Variants in SLC24A1 observed in about 807,000 individuals in gnomAD.
The protein encoded by SLC24A1 is sodium/potassium/calcium exchanger 1.
A neutral mutation model predicts 88.1 loss-of-function variants in SLC24A1; 52 were observed. That is an observed-to-expected ratio of 0.59 (90% CI 0.47 to 0.74). The LOEUF (loss-of-function observed/expected upper bound fraction) is 0.74. Ranked by LOEUF, SLC24A1 falls within the 30% of genes least tolerant of loss-of-function variation. The pLI, the probability that SLC24A1 is intolerant of heterozygous loss-of-function variation, is 0.00. For missense variants in SLC24A1, 1,173 were observed against 1,363.3 expected (o/e 0.86, Z 2.20); for synonymous variants, 455 against 498.0 (o/e 0.91, Z 1.15).
intron 4 of SLC24A1, chr15:65,644,009 C>T (rs2075221408): frequency 5.2e-6 from 1 of 191,120 alleles, no homozygotes; most frequent in Admixed American, 5.4e-5. Context: ...ATGTCTATCA[C>T]AGACATTACC....
chr15:65,650,876 C>T lies in SLC24A1; in HGVS notation c.2727C>T (p.Ala909=). Residue 909 remains alanine, a synonymous_variant, in exon 7 of 10, where the codon GCC becomes GCT. Transcript: ENST00000261892. This position sits in a 1 kb window ranked among gnomAD's most constrained non-coding sequence, Gnocchi z 4.1. ...GGCCTGAAACCAGGCAGAAGCAGGC[C>T]ATTTACCTCTTCCTTCTGCCCATCG... ...LDWPETRQKQ[A]IYLFLLPIVF... 6.2e-7 allele frequency: 1 copy of T among 1,613,938 alleles called. No homozygotes were observed. The highest frequency in any genetic ancestry group is 8.5e-7 in the Non-Finnish European group (1 of 1,179,892).
downstream of SLC24A1, chr15:65,658,990 A>G (rs1464444526): frequency 6.6e-6 from 1 of 152,218 alleles, no homozygotes; most frequent in Non-Finnish European, 1.5e-5. Flanking sequence ...GGAAAAGAAG[A>G]CAAAAATCAG....
At chr15:65,648,845 C>T (rs879377807) in intron 6 of SLC24A1, among the ~76,000 whole-genome samples, 1 of 151,782 alleles carries the variant, frequency 6.6e-6, no homozygotes, top group Non-Finnish European at 1.5e-5. Flanking sequence ...ACTATATTGC[C>T]CAGGCTGGCC....
Position 65,649,567 on chromosome 15 carries a change from C to T in SLC24A1, c.2233-815C>T, listed in dbSNP as rs995186335. Among the ~76,000 whole-genome samples, 4 of 152,160 alleles carry T rather than the reference C, an allele frequency of 2.6e-5. 1 individual carries two copies. Among genetic ancestry groups the T allele is most frequent in the South Asian group, 2.1e-4 (1 of 4,826 alleles). On this transcript the variant is annotated intron_variant, in intron 6 of 9. Transcript: ENST00000261892. ...AACCACGTGGACCATGGGCAAGTTA[C>T]TTAGTTCCTTTTACTCTAGTTTCTC...
chr15:65,624,227 A>C lies in SLC24A1; in HGVS notation c.147A>C (p.Ser49=), dbSNP rs1001800140. Residue 49 remains serine (S), a synonymous_variant, in exon 2 of 10, where the codon TCA becomes TCC. Transcript: ENST00000261892. ...QHLRRPRGLS[S]LWAAVSSHQP... Reference sequence around the variant, plus strand: ...TTAGGAGACCCCGGGGCCTTTCCTCATTGTGGGCAGCAGTCTCTTCTCATC... The same window carrying C: ...TTAGGAGACCCCGGGGCCTTTCCTCCTTGTGGGCAGCAGTCTCTTCTCATC... The C allele has an allele frequency of 1.2e-6, 2 of 1,613,704 alleles. No homozygotes were observed. The highest frequency in any genetic ancestry group is 2.7e-5 in the African/African-American group (2 of 74,848).
rs149805424 is a variant in SLC24A1, at chr15:65,653,963, T to C, written c.3184T>C (p.Cys1062Arg). ...LLFVISSIAS[C>R]KWRMNKILGF... ...GTTTGTGATCTCTTCAATTGCGTCA[T>C]GTAAATGGAGAATGAACAAGATCCT... Residue 1062 changes from cysteine (C) to arginine (R), a missense_variant, in exon 10 of 10, where the codon TGT (cysteine) becomes CGT (arginine). Physicochemically the swap from Cys to Arg is radical, Grantham distance 180 (BLOSUM62 -3). Transcript: ENST00000261892. 8 of 1,613,928 alleles carry C rather than the reference T, an allele frequency of 5.0e-6. No individual in the cohort carries two copies. Among genetic ancestry groups the C allele is most frequent in the African/African-American group, 1.3e-5 (1 of 74,946 alleles).
At position 65,644,278 on chromosome 15, in the gene SLC24A1, C is replaced by T. The variant is rs2075229964; in HGVS notation, c.2054-149C>T. 1.9e-5 allele frequency: 13 copies of T among 683,874 alleles called. No individual in the cohort carries two copies. In the South Asian group the frequency reaches 2.0e-4, roughly 11 times the overall value. 42.4% of individuals were successfully genotyped at this position (683,874 alleles called of 1,614,324 possible). On this transcript the variant is annotated intron_variant, in intron 4 of 9. Transcript: ENST00000261892. ...GCACCACAACTAGGCCTCGTAGGAT[C>T]AGAATCCAGATGTCACAACCCCCAT...
chr15:65,655,419 G>A lies in SLC24A1; in HGVS notation c.*1340G>A. On this transcript the variant is annotated 3_prime_UTR_variant, in exon 10 of 10. Coordinates refer to ENST00000261892, the MANE Select transcript of SLC24A1 (RefSeq NM_004727.3). ...ATGACAACATGGTGAGAAAAGTGCA[G>A]TACTACTTCCAAGGTAGCTAGTGTA... is the stretch of plus-strand genomic sequence containing the variant. 1 of 985,422 alleles carries A rather than the reference G, an allele frequency of 1.0e-6. No individual in the cohort carries two copies. 61.0% of individuals were successfully genotyped at this position (985,422 alleles called of 1,614,324 possible).
In SLC24A1 at chr15:65,650,567, T is replaced by A; in HGVS notation, c.2418T>A (p.Asn806Lys). The A allele has an allele frequency of 3.2e-6, 5 of 1,551,148 alleles. No homozygotes were observed. The highest frequency in any genetic ancestry group is 4.4e-6 in the Non-Finnish European group (5 of 1,146,868). ...ATGAAGCAGAAGGAAAAGGAGACAATGAAGGTGAAGATGAGGGTGAAATCC... is the reference window on the plus strand; with the variant it reads ...ATGAAGCAGAAGGAAAAGGAGACAAAGAAGGTGAAGATGAGGGTGAAATCC... ...DENEAEGKGDNEGEDEGEIHA... is the reference protein window; with the variant it reads ...DENEAEGKGDKEGEDEGEIHA... Residue 806 changes from asparagine (N) to lysine (K), a missense_variant, in exon 7 of 10, where the codon AAT becomes AAA. Coordinates refer to ENST00000261892, the MANE Select transcript of SLC24A1 (RefSeq NM_004727.3). The surrounding 1 kb of genome is among the most constrained non-coding windows in gnomAD (Gnocchi z 4.1).
chr15:65,658,833 A>G (rs1397723314), downstream of SLC24A1, among the ~76,000 whole-genome samples: 1 of 152,250 alleles, frequency 6.6e-6, no homozygotes, highest in Non-Finnish European at 1.5e-5. Flanking sequence ...ATAAGTATTT[A>G]CTGCCTAAAA....
In SLC24A1 at chr15:65,640,602, G is replaced by A. The variant is rs142988344; in HGVS notation, c.2053+899G>A. ...GGGCTTGGACTGCAGTTGGGCAGGA[G>A]GGCTGAGGGCTGAGCTGAATATGAC... is the stretch of plus-strand genomic sequence containing the variant. On this transcript the variant is annotated intron_variant, in intron 4 of 9. Transcript: ENST00000261892. Among the ~76,000 whole-genome samples the A allele has an allele frequency of 1.3e-3, 191 of 152,296 alleles. 1 individual carries two copies. Among genetic ancestry groups the A allele is most frequent in the African/African-American group, 4.5e-3 (188 of 41,558 alleles).
chr15:65,614,447 A>T (rs1220281288), intron 2 of SLC24A1, among the ~76,000 whole-genome samples: 2 of 152,158 alleles, frequency 1.3e-5, no homozygotes, highest in East Asian at 3.8e-4. Flanking sequence ...CACTTTGGTT[A>T]TTTGAATCAG....
chr15:65,630,961 ACT>A (rs2074703528), intron 2 of SLC24A1, among the ~76,000 whole-genome samples: 1 of 152,026 alleles, frequency 6.6e-6, no homozygotes, highest in South Asian at 2.1e-4. Flanking sequence ...ACAGAGCAAG[ACT>A]CTGTCTCAAA....
chr15:65,649,646 AAC>A (rs1887343191), intron 6 of SLC24A1, among the ~76,000 whole-genome samples: 1 of 152,130 alleles, frequency 6.6e-6, no homozygotes, highest in Non-Finnish European at 1.5e-5. Flanking sequence ...TGATTCATAA[AAC>A]ACCGTAAGTG....
chr15:65,652,235 C>T lies in SLC24A1; in HGVS notation c.2884-407C>T, dbSNP rs72625762. 2.1e-3 allele frequency: 602 copies of T among 291,308 alleles called. 7 individuals are homozygous for T. The East Asian group carries it at 0.048, about 23-fold the overall frequency. The allele number at this position is 291,308 out of a possible 1,614,324, so 18.0% of individuals were successfully genotyped here. On this transcript the variant is annotated intron_variant, in intron 8 of 9. Coordinates refer to ENST00000261892, the MANE Select transcript of SLC24A1 (RefSeq NM_004727.3). ...CGAGATTAGGGTCTATGTCATCCTG[C>T]TCATACTTCACCTCCAGCCTCTTAG...
chr15:65,660,258 A>C (rs1566975960), downstream of SLC24A1: 1 of 1,531,204 alleles, frequency 6.5e-7, no homozygotes, highest in Non-Finnish European at 8.7e-7. Context: ...ACATTTTTAA[A>C]CTCTCTCCAT....
intron 2 of SLC24A1, among the ~76,000 whole-genome samples, chr15:65,637,429 T>C (rs1325693660): frequency 6.6e-6 from 1 of 152,128 alleles, no homozygotes; most frequent in East Asian, 1.9e-4. Flanking sequence ...CTGAATTTTA[T>C]AAAAAATGGA....
At chr15:65,652,003 G>C (rs2075525683) in intron 8 of SLC24A1, 2 of 495,622 alleles carry the variant, frequency 4.0e-6, no homozygotes, top group Non-Finnish European at 7.5e-6. Context: ...GATTCCAGCT[G>C]AACTTGGCTT....
At chr15:65,633,294 C>A (rs1332258349) in intron 2 of SLC24A1, among the ~76,000 whole-genome samples, 1 of 152,174 alleles carries the variant, frequency 6.6e-6, no homozygotes. Flanking sequence ...ATGTAAAACA[C>A]CCCAATATTT....
Sources: allele counts gnomAD v4.1 joint callset (sites outside exome capture counted in the v4.1 genomes callset), GRCh38; gene constraint gnomAD v4.1.1; non-coding constraint Gnocchi (gnomAD v3.1); transcripts MANE v1.5; gene names NCBI Gene and HGNC (gene_info 2026-07-23, HGNC 2026-07-21).